Variants in AGGF1 observed in about 807,000 individuals in gnomAD.
AGGF1 encodes angiogenic factor with G-patch and FHA domains 1, also known as angiogenic factor with G patch and FHA domains 1.
AGGF1 carries 56 observed loss-of-function variants against 86.5 expected under a neutral mutation model. That is an observed-to-expected ratio of 0.65 (90% CI 0.52 to 0.81). The LOEUF (loss-of-function observed/expected upper bound fraction) is 0.81. Ranked by LOEUF, AGGF1 falls within the 30% of genes least tolerant of loss-of-function variation. The probability of loss-of-function intolerance (pLI) is 0.00; values close to 1 mark genes in which losing one functional copy is unlikely to be tolerated. For synonymous variants in AGGF1, 313 were observed against 297.1 expected (o/e 1.05, Z -0.55); for missense variants, 816 against 850.9 (o/e 0.96, Z 0.51).
At chr5:77,049,877 A>C (rs1185134718) in intron 8 of AGGF1, among the ~76,000 whole-genome samples, 3 of 151,804 alleles carry the variant, frequency 2.0e-5, no homozygotes, top group African/African-American at 4.8e-5. Context: ...TCTTTCCTGT[A>C]CTATGTTTTC....
chr5:77,044,404 T>C (rs1172774716), intron 5 of AGGF1, among the ~76,000 whole-genome samples: 1 of 152,232 alleles, frequency 6.6e-6, no homozygotes, highest in Admixed American at 6.5e-5. Flanking sequence ...GTTTTCTTTA[T>C]TTTTAAAGAT....
intron 4 of AGGF1, among the ~76,000 whole-genome samples, chr5:77,038,870 T>C (rs1346409145): frequency 6.6e-6 from 1 of 152,174 alleles, no homozygotes; most frequent in African/African-American, 2.4e-5. Context: ...TTCTGGTTTT[T>C]AAATCTGTAA....
At chr5:77,046,949 A>G (rs182039853) in intron 6 of AGGF1, among the ~76,000 whole-genome samples, 9 of 152,318 alleles carry the variant, frequency 5.9e-5, no homozygotes, top group Admixed American at 3.3e-4. Context: ...TCTAATCTTA[A>G]AATATAGATT....
chr5:77,045,849 A>G (rs1045761191), intron 5 of AGGF1, among the ~76,000 whole-genome samples: 14 of 152,254 alleles, frequency 9.2e-5, no homozygotes, highest in Admixed American at 1.3e-4. Context: ...ATGTGCTGTT[A>G]AGTGTAAAAT....
At chr5:77,044,708 C>T (rs967465516) in intron 5 of AGGF1, among the ~76,000 whole-genome samples, 18 of 152,132 alleles carry the variant, frequency 1.2e-4, no homozygotes, top group Admixed American at 6.5e-4. Flanking sequence ...GGTTTTTCAG[C>T]TCCTTGCCCT....
chr5:77,049,820 G>A (rs1561288814), intron 8 of AGGF1, among the ~76,000 whole-genome samples: 1 of 152,072 alleles, frequency 6.6e-6, no homozygotes, highest in Non-Finnish European at 1.5e-5. Flanking sequence ...AAAGTGTTGG[G>A]ATTACAGGCG....
chr5:77,042,503 A>G (rs1331297521), intron 5 of AGGF1, among the ~76,000 whole-genome samples: 4 of 24,074 alleles, frequency 1.7e-4, no homozygotes, highest in South Asian at 1.1e-3. Flanking sequence ...GACCCCCCCC[A>G]CCTCCCTCCC....
intron 10 of AGGF1, among the ~76,000 whole-genome samples, 186 bp from the exon 11 acceptor site, chr5:77,055,328 G>C (rs1216126368): frequency 2.0e-5 from 3 of 152,052 alleles, no homozygotes; most frequent in African/African-American, 7.2e-5. Flanking sequence ...TCTCAATTAG[G>C]TTTAGTTACC....
In AGGF1 at chr5:77,046,595, T is replaced by TA; in HGVS notation, c.1120dup (p.Thr374AsnfsTer6). The TA allele has an allele frequency of 6.2e-7, 1 of 1,613,928 alleles. No individual in the cohort carries two copies. The highest frequency in any genetic ancestry group is 8.5e-7 in the Non-Finnish European group (1 of 1,179,896). On this transcript the variant is annotated frameshift_variant, in exon 6 of 14. Transcript: ENST00000312916. LOFTEE classifies it high-confidence loss of function. Reference sequence around the variant, plus strand: ...ATAGTGAACCAGAGGAAGGTGAAATTACAGACTCTCAGACTGAGGATAGTT... The same window carrying TA: ...ATAGTGAACCAGAGGAAGGTGAAATTAACAGACTCTCAGACTGAGGATAGTT...
At position 77,056,967 on chromosome 5, in the gene AGGF1, C is replaced by T. The variant is rs181355405; in HGVS notation, c.1716+1371C>T. ...GCCAAAGATTTGAATAGATGCTTCACCAAAGAAGATATGCTGATGGCAAAT... is the reference window on the plus strand; with the variant it reads ...GCCAAAGATTTGAATAGATGCTTCATCAAAGAAGATATGCTGATGGCAAAT... On this transcript the variant is annotated intron_variant, in intron 11 of 13. Transcript: ENST00000312916. 2.0e-5 allele frequency among the ~76,000 whole-genome samples: 3 copies of T among 152,116 alleles called. No individual in the cohort carries two copies. The East Asian group carries it at 5.8e-4, about 29-fold the overall frequency.
intron 5 of AGGF1, among the ~76,000 whole-genome samples, chr5:77,045,879 C>T (rs1291426112): frequency 6.6e-6 from 1 of 152,156 alleles, no homozygotes; most frequent in Non-Finnish European, 1.5e-5. Context: ...ATGTTGCAGA[C>T]TATGTAAACT....
intron 4 of AGGF1, 55 bp downstream of exon 4, chr5:77,036,775 T>G: frequency 6.3e-7 from 1 of 1,590,606 alleles, no homozygotes; most frequent in East Asian, 2.2e-5. Flanking sequence ...TCTCCCTCTG[T>G]CACCCCGGCT....
chr5:77,050,141 T>A (rs1307318042), intron 8 of AGGF1, among the ~76,000 whole-genome samples: 1 of 152,008 alleles, frequency 6.6e-6, no homozygotes, highest in Non-Finnish European at 1.5e-5. Context: ...CTAAGCAGAT[T>A]ATGTTGCTTT....
intron 9 of AGGF1, 65 bp downstream of exon 9, chr5:77,052,872 G>A: frequency 7.8e-7 from 1 of 1,285,588 alleles, no homozygotes; most frequent in Non-Finnish European, 1.1e-6. Flanking sequence ...TTTTATTTCT[G>A]AAGGGCATAA....
intron 9 of AGGF1, 96 bp downstream of exon 9, chr5:77,052,903 G>C: frequency 1.9e-6 from 2 of 1,049,668 alleles, no homozygotes; most frequent in Non-Finnish European, 2.9e-6. Context: ...TTGGTTCAGA[G>C]TAGAGTTAAG....
Position 77,030,404 on chromosome 5 carries a change from G to A in AGGF1, c.-363G>A, listed in dbSNP as rs76481006. ...CGTCTTGGTCCCGCCTGCCGCTGGC[G>A]CCGTTGTTTCCGGCTCAACTGGGGA... On this transcript the variant is annotated 5_prime_UTR_variant, in exon 1 of 14. Coordinates refer to ENST00000312916, the MANE Select transcript of AGGF1 (RefSeq NM_018046.5). The A allele has an allele frequency of 2.0e-6, 1 of 492,246 alleles. No individual in the cohort carries two copies. Among genetic ancestry groups the A allele is most frequent in the Admixed American group, 2.3e-5 (1 of 43,454 alleles). 30.5% of individuals were successfully genotyped at this position (492,246 alleles called of 1,614,324 possible).
chr5:77,046,324 C>T (rs746633437), intron 5 of AGGF1, 23 bp from the exon 6 acceptor site: 37 of 1,585,198 alleles, frequency 2.3e-5, no homozygotes, highest in East Asian at 4.5e-5. Context: ...CCTGTTCCCT[C>T]GTATCTACCC....
chr5:77,043,545 C>A (rs1240843489), intron 5 of AGGF1, among the ~76,000 whole-genome samples: 20 of 144,092 alleles, frequency 1.4e-4, no homozygotes, highest in East Asian at 2.2e-4. Context: ...CTGACCCCCC[C>A]ACCTCCCTCC....
chr5:77,044,030 G>A (rs1747196657), intron 5 of AGGF1, among the ~76,000 whole-genome samples: 2 of 115,874 alleles, frequency 1.7e-5, no homozygotes, highest in Admixed American at 1.8e-4. Context: ...ATGGCGGCTG[G>A]GAAGAGACGC....
Sources: gnomAD v4.1 joint callset for allele counts (sites outside exome capture counted in the v4.1 genomes callset) on GRCh38, gnomAD v4.1.1 for gene constraint, MANE v1.5 for transcripts, NCBI Gene and HGNC (gene_info 2026-07-23, HGNC 2026-07-21) for gene names.